LIPA: variants seen among roughly 807,000 people sequenced by gnomAD.
LIPA encodes lysosomal acid lipase/cholesteryl ester hydrolase.
Under a neutral mutation model 40.6 loss-of-function variants are expected in LIPA, and 26 were observed. The observed-to-expected ratio is 0.64, with a 90% confidence interval of 0.47 to 0.89. The LOEUF is 0.89. Ranked by LOEUF, LIPA falls within the 40% of genes least tolerant of loss-of-function variation. The pLI, the probability that LIPA is intolerant of heterozygous loss-of-function variation, is 0.00. For synonymous variants in LIPA, 188 were observed against 168.4 expected, an observed-to-expected ratio of 1.12 and a Z score of -0.90; for missense variants, 455 against 479.6, an observed-to-expected ratio of 0.95 and a Z score of 0.48.
intron 2 of LIPA, chr10:89,384,654 C>T: frequency 3.1e-6 from 5 of 1,614,186 alleles, no homozygotes; most frequent in Non-Finnish European, 4.2e-6. Flanking sequence ...GGCTTATCCA[C>T]AAATTGAAAG....
intron 2 of LIPA, among the ~76,000 whole-genome samples, chr10:89,355,745 C>T (rs1416720150): frequency 6.6e-6 from 1 of 152,204 alleles, no homozygotes; most frequent in Non-Finnish European, 1.5e-5. Context: ...GACCTCTGGT[C>T]ATCCTCACTG....
intron 1 of LIPA, chr10:89,339,177 T>C (rs749317140): frequency 2.5e-6 from 4 of 1,614,192 alleles, no homozygotes; most frequent in Admixed American, 1.7e-5. Flanking sequence ...AATTCTCCTC[T>C]GGACTGGCAA....
chr10:89,359,623 A>G (rs1383737214), intron 2 of LIPA, among the ~76,000 whole-genome samples: 3 of 152,222 alleles, frequency 2.0e-5, no homozygotes, highest in Non-Finnish European at 4.4e-5. Context: ...TGAAGCCCTC[A>G]TCAAGCTGCT....
At chr10:89,364,001 C>A (rs1844041449) in intron 2 of LIPA, among the ~76,000 whole-genome samples, 1 of 152,210 alleles carries the variant, frequency 6.6e-6, no homozygotes, top group African/African-American at 2.4e-5. Context: ...AGACGGGCTA[C>A]TGGCCTGAAC....
chr10:89,287,270 A>G (rs58489677), intron 1 of LIPA, among the ~76,000 whole-genome samples: 3,477 of 152,180 alleles, frequency 0.023, 158 homozygotes, highest in African/African-American at 0.078. Context: ...TAATCAATAC[A>G]GAGGCTACCC....
At chr10:89,225,800 G>A (rs192256682) in intron 5 of LIPA, among the ~76,000 whole-genome samples, 306 of 152,164 alleles carry the variant, frequency 2.0e-3, no homozygotes, top group African/African-American at 7.1e-3. Flanking sequence ...ATTGAATCAC[G>A]GAGGCGGTTC....
intron 1 of LIPA, chr10:89,283,573 T>A (rs1843326775): frequency 6.6e-6 from 1 of 152,212 alleles, no homozygotes; most frequent in Non-Finnish European, 1.5e-5. Context: ...TAGTAAATTT[T>A]CATCTACCTT....
intron 1 of LIPA, among the ~76,000 whole-genome samples, chr10:89,266,563 A>G (rs1843237533): frequency 6.6e-6 from 1 of 152,230 alleles, no homozygotes; most frequent in African/African-American, 2.4e-5. Flanking sequence ...TGCCTGAAAT[A>G]TTATGTATAT....
At chr10:89,402,447 C>G in intron 2 of LIPA, 1 of 1,614,168 alleles carries the variant, frequency 6.2e-7, no homozygotes, top group Non-Finnish European at 8.5e-7. Context: ...ACACAACCTA[C>G]TAGCCTATGT....
chr10:89,388,191 C>T (rs977890248), intron 2 of LIPA, among the ~76,000 whole-genome samples: 3 of 152,106 alleles, frequency 2.0e-5, no homozygotes, highest in South Asian at 2.1e-4. Context: ...CTGCAATCTC[C>T]GCCTCCTGGG....
chr10:89,402,131 C>CATG, intron 2 of LIPA: 1 of 614,550 alleles, frequency 1.6e-6, no homozygotes, highest in South Asian at 2.1e-5. Flanking sequence ...ATCAACAGTC[C>CATG]ATGAATAACT....
intron 1 of LIPA, among the ~76,000 whole-genome samples, chr10:89,294,656 T>G (rs956002014): frequency 2.0e-5 from 3 of 152,304 alleles, no homozygotes; most frequent in African/African-American, 7.2e-5. Flanking sequence ...AAATGGTGTT[T>G]AATTAATTTT....
rs534813207 is a variant in LIPA at position 89,251,545 on chromosome 10, T to C, written c.-2+192A>G. On this transcript the variant is annotated intron_variant, in intron 1 of 9. Transcript: ENST00000336233. The stretch of plus-strand genomic sequence containing the variant: ...AGTTGCTCTCTGAAGTTGCCCTGGT[T>C]GATTGGCAGATGCCTTGAGCCAACG... Among the ~76,000 whole-genome samples the C allele has an allele frequency of 6.6e-5, 10 of 152,304 alleles. No homozygotes were observed. In the East Asian group the frequency reaches 1.9e-3, roughly 29 times the overall value.
At chr10:89,333,297 T>G (rs1384950670) in intron 1 of LIPA, among the ~76,000 whole-genome samples, 1 of 152,186 alleles carries the variant, frequency 6.6e-6, no homozygotes, top group Non-Finnish European at 1.5e-5. Context: ...AATGCAAATT[T>G]CTAGGTCCTG....
Position 89,225,151 on chromosome 10 carries a change from C to A in LIPA, c.616G>T (p.Val206Phe), listed in dbSNP as rs756878837. 1 of 1,613,978 alleles carries A rather than the reference C, an allele frequency of 6.2e-7. No homozygotes were observed. The highest frequency in any genetic ancestry group is 1.3e-5 in the African/African-American group (1 of 74,896). The change falls in exon 6 of 10, where the codon GTC (valine) becomes TTC (phenylalanine). Residue 206 changes from valine to phenylalanine, a missense_variant. Transcript: ENST00000336233. ...GCCATAGGGCTAGTACAGAAGGCGA[C>A]GGAAGCCACAGGACCCAGGGCAAAA... Reference protein sequence around the residue: ...MFFALGPVASVAFCTSPMAKL... With the variant: ...MFFALGPVASFAFCTSPMAKL...
In LIPA at chr10:89,340,213, G is replaced by C; in HGVS notation, c.-2+2398C>G. On this transcript the variant is annotated intron_variant, in intron 1 of 5. Coordinates refer to the LIPA transcript ENST00000282673. ...ATAGGAAGACAGGGGGCCCCAACCTGGGATTGCTGAGCAGGGAAGCTTTGC... is the reference window on the plus strand; with the variant it reads ...ATAGGAAGACAGGGGGCCCCAACCTCGGATTGCTGAGCAGGGAAGCTTTGC... 3 of 1,392,316 alleles carry C rather than the reference G, an allele frequency of 2.2e-6. No homozygotes were observed. In the East Asian group the frequency reaches 7.1e-5, roughly 33 times the overall value. The allele number at this position is 1,392,316 out of a possible 1,614,324, so 86.2% of individuals were successfully genotyped here. A position where few individuals can be genotyped will look rare whatever the true frequency, so the allele number is the denominator to read the frequency against.
intron 1 of LIPA, among the ~76,000 whole-genome samples, chr10:89,294,350 C>G (rs1285855670): frequency 6.6e-6 from 1 of 152,152 alleles, no homozygotes; most frequent in African/African-American, 2.4e-5. Flanking sequence ...TTTATGGACA[C>G]ATGGTTCTGG....
chr10:89,398,511 C>G (rs576391254), intron 2 of LIPA, among the ~76,000 whole-genome samples: 2 of 152,304 alleles, frequency 1.3e-5, no homozygotes, highest in African/African-American at 4.8e-5. Flanking sequence ...CTCATTTCAT[C>G]CATCAGCCAG....
chr10:89,361,859 C>T (rs1009513149), intron 2 of LIPA, among the ~76,000 whole-genome samples: 1 of 148,330 alleles, frequency 6.7e-6, no homozygotes, highest in Non-Finnish European at 1.5e-5. Flanking sequence ...AAATCCACCC[C>T]CCACCCTCCA....
Sources: allele counts gnomAD v4.1 joint callset (sites outside exome capture counted in the v4.1 genomes callset), GRCh38; gene constraint gnomAD v4.1.1; transcripts MANE v1.5; gene names NCBI Gene and HGNC (gene_info 2026-07-23, HGNC 2026-07-21).